Variants in PTPN3 observed in about 807,000 individuals in gnomAD.
PTPN3 encodes the protein tyrosine-protein phosphatase non-receptor type 3.
In PTPN3, 96 loss-of-function variants were observed where a neutral mutation model predicts 132.7. The ratio of observed to expected loss-of-function variants is 0.72; its 90% CI spans 0.61 to 0.86. PTPN3 has a LOEUF of 0.86. Among genes scored for constraint, PTPN3 ranks in the 40% least tolerant of loss-of-function variants. The pLI is 0.00. For synonymous variants in PTPN3, 398 were observed against 429.0 expected (o/e 0.93, Z 0.89); for missense variants, 1,125 against 1,159.6 (o/e 0.97, Z 0.43).
At chr9:109,402,606 G>T (rs1588334955) in intron 19 of PTPN3, among the ~76,000 whole-genome samples, 1 of 152,032 alleles carries the variant, frequency 6.6e-6, no homozygotes, top group Non-Finnish European at 1.5e-5. Flanking sequence ...AACCAAAAGT[G>T]TGAACAGCCT....
chr9:109,389,776 TA>T (rs1839910059), intron 21 of PTPN3, among the ~76,000 whole-genome samples: 1 of 152,258 alleles, frequency 6.6e-6, no homozygotes, highest in Admixed American at 6.5e-5. Context: ...TATTTACGTT[TA>T]TTTAAAGCAT....
the PTPN3 span, among the ~76,000 whole-genome samples, chr9:109,509,092 T>A: frequency 3.6e-4 from 55 of 152,342 alleles, no homozygotes; most frequent in African/African-American, 1.3e-3. Flanking sequence ...CCTGTATTGC[T>A]GAGTGAGCTA....
At chr9:109,456,654 T>C (rs1007110055) in intron 4 of PTPN3, among the ~76,000 whole-genome samples, 11 of 152,192 alleles carry the variant, frequency 7.2e-5, no homozygotes, top group African/African-American at 2.7e-4. Flanking sequence ...GACTATGGTG[T>C]GGCCTGACTG....
intron 1 of PTPN3, among the ~76,000 whole-genome samples, chr9:109,490,294 T>G (rs2132121030): frequency 6.6e-6 from 1 of 152,338 alleles, no homozygotes; most frequent in South Asian, 2.1e-4. Flanking sequence ...TGCACCTCCT[T>G]CCATCTCTCC....
intron 14 of PTPN3, among the ~76,000 whole-genome samples, chr9:109,414,143 AC>A (rs1388655454): frequency 2.6e-5 from 4 of 152,162 alleles, no homozygotes; most frequent in Admixed American, 6.5e-5. Flanking sequence ...CAAGAGGATC[AC>A]CCGAGGTGAT....
the PTPN3 span, among the ~76,000 whole-genome samples, chr9:109,507,118 A>C: frequency 6.6e-6 from 1 of 152,236 alleles, no homozygotes; most frequent in African/African-American, 2.4e-5. Context: ...TGAAGGAAAC[A>C]GCTGGAGGTC....
At chr9:109,463,222 G>C in intron 2 of PTPN3, 75 bp downstream of exon 2, 2 of 1,350,568 alleles carry the variant, frequency 1.5e-6, no homozygotes, top group Non-Finnish European at 2.0e-6. Context: ...TCTTCATTTT[G>C]TGAGCCAAGA....
chr9:109,445,893 G>A (rs1485169135), intron 6 of PTPN3, among the ~76,000 whole-genome samples: 1 of 152,226 alleles, frequency 6.6e-6, no homozygotes, highest in Non-Finnish European at 1.5e-5. Context: ...TCAGTGATCT[G>A]TCTCTCAGTC....
intron 2 of PTPN3, among the ~76,000 whole-genome samples, chr9:109,458,224 G>A (rs1027560631): frequency 7.9e-5 from 12 of 152,182 alleles, no homozygotes; most frequent in East Asian, 3.9e-4. Flanking sequence ...GACTGGGGCC[G>A]TAGAGGAAGC....
intron 1 of PTPN3, among the ~76,000 whole-genome samples, chr9:109,491,779 G>A (rs1333751127): frequency 6.6e-6 from 1 of 152,204 alleles, no homozygotes; most frequent in Non-Finnish European, 1.5e-5. Flanking sequence ...CAGTGGGGAG[G>A]GGGAGAAGGT....
Position 109,391,274 on chromosome 9 carries a change from C to T in PTPN3, c.2045-75G>A, listed in dbSNP as rs1028884500. On this transcript the variant is annotated intron_variant, in intron 20 of 25. Transcript: ENST00000374541. ...ATACCAAGTAAACCAGAGTTCAGTT[C>T]CCAGCCCCATCTGCAGCTCTGCCTC... The T allele has an allele frequency of 2.1e-6, 3 of 1,438,866 alleles. No homozygotes were observed. In the South Asian group the frequency reaches 3.7e-5, roughly 18 times the overall value. The allele number at this position is 1,438,866 out of a possible 1,614,324, so 89.1% of individuals were successfully genotyped here.
intron 19 of PTPN3, among the ~76,000 whole-genome samples, chr9:109,394,862 G>A (rs1446699534): frequency 1.3e-5 from 2 of 152,150 alleles, no homozygotes; most frequent in African/African-American, 4.8e-5. Flanking sequence ...GAAACTGGCC[G>A]GGTGTGGCAG....
intron 19 of PTPN3, among the ~76,000 whole-genome samples, chr9:109,395,778 C>T (rs1322722869): frequency 6.6e-6 from 1 of 151,396 alleles, no homozygotes; most frequent in African/African-American, 2.4e-5. Flanking sequence ...CAGAGGAAGA[C>T]CCTGTCTGTG....
At chr9:109,506,964 A>G in the PTPN3 span, among the ~76,000 whole-genome samples, 1 of 152,240 alleles carries the variant, frequency 6.6e-6, no homozygotes, top group South Asian at 2.1e-4. Context: ...TTTGGAAAAA[A>G]GTAATGAAGC....
chr9:109,471,515 T>G (rs1262613435), intron 1 of PTPN3, among the ~76,000 whole-genome samples: 3 of 152,184 alleles, frequency 2.0e-5, no homozygotes, highest in Non-Finnish European at 4.4e-5. Context: ...CACAGTACAA[T>G]TATCACACTG....
At chr9:109,446,746 A>G (rs1183247715) in intron 6 of PTPN3, among the ~76,000 whole-genome samples, 1 of 152,196 alleles carries the variant, frequency 6.6e-6, no homozygotes, top group Non-Finnish European at 1.5e-5. Flanking sequence ...ACATTCCAAA[A>G]ACTGTTCCAA....
At chr9:109,400,902 G>A (rs756337435) in intron 19 of PTPN3, among the ~76,000 whole-genome samples, 8 of 151,888 alleles carry the variant, frequency 5.3e-5, no homozygotes, top group Admixed American at 2.6e-4. Context: ...CACCATTCTC[G>A]CACCTGTAAC....
intron 2 of PTPN3, among the ~76,000 whole-genome samples, chr9:109,460,890 C>T (rs1051537829): frequency 2.0e-5 from 3 of 152,072 alleles, no homozygotes; most frequent in Admixed American, 2.0e-4. Context: ...AAAGCTTAGC[C>T]CATAGTAAGT....
intron 1 of PTPN3, among the ~76,000 whole-genome samples, chr9:109,488,128 G>C: frequency 7.4e-6 from 1 of 135,992 alleles, no homozygotes. Flanking sequence ...ATGGAATCTC[G>C]CTCTTTTGCC....
Sources: allele counts gnomAD v4.1 joint callset (sites outside exome capture counted in the v4.1 genomes callset), GRCh38; gene constraint gnomAD v4.1.1; transcripts MANE v1.5; gene names NCBI Gene and HGNC (gene_info 2026-07-23, HGNC 2026-07-21).